PCDHGA3: variants seen among roughly 807,000 people sequenced by gnomAD.
PCDHGA3 encodes protocadherin gamma-A3.
A neutral mutation model predicts 58.5 loss-of-function variants in PCDHGA3; 40 were observed. That is an observed-to-expected ratio of 0.68 (90% CI 0.53 to 0.89). PCDHGA3 has a LOEUF of 0.89. Among genes scored for constraint, PCDHGA3 ranks in the 40% least tolerant of loss-of-function variants. The probability of loss-of-function intolerance (pLI) is 0.00; values close to 1 mark genes in which losing one functional copy is unlikely to be tolerated. For synonymous variants in PCDHGA3, 530 were observed against 525.7 expected, an observed-to-expected ratio of 1.01 and a Z score of -0.11; for missense variants, 1,223 against 1,195.9, an observed-to-expected ratio of 1.02 and a Z score of -0.33.
At chr5:141,390,349 T>C in intron 1 of PCDHGA3, 1 of 1,568,926 alleles carries the variant, frequency 6.4e-7, no homozygotes, top group South Asian at 1.2e-5. Flanking sequence ...CAAGAAAATA[T>C]ACATATTTGC....
At chr5:141,380,678 T>C (rs1387633000) in intron 1 of PCDHGA3, among the ~76,000 whole-genome samples, 3 of 152,250 alleles carry the variant, frequency 2.0e-5, no homozygotes, top group Non-Finnish European at 4.4e-5. Flanking sequence ...AGGGTATGTA[T>C]GCTTTGTGTT....
At chr5:141,380,282 T>C (rs1263967352) in intron 1 of PCDHGA3, among the ~76,000 whole-genome samples, 3 of 152,306 alleles carry the variant, frequency 2.0e-5, no homozygotes, top group Admixed American at 6.5e-5. Flanking sequence ...AGGAGAAACA[T>C]TGGAAGATAC....
At chr5:141,421,211 T>A (rs866635411) in intron 1 of PCDHGA3, 8 of 1,541,100 alleles carry the variant, frequency 5.2e-6, no homozygotes. Flanking sequence ...CCGCGGAATA[T>A]CGGCTTAGAG....
intron 1 of PCDHGA3, chr5:141,390,317 C>T: frequency 1.2e-6 from 2 of 1,610,390 alleles, no homozygotes; most frequent in Non-Finnish European, 1.7e-6. Context: ...ATGCTCATTG[C>T]CTACCCATTT....
chr5:141,420,980 C>T (rs1463868271), intron 1 of PCDHGA3: 1 of 484,260 alleles, frequency 2.1e-6, no homozygotes, highest in Non-Finnish European at 3.6e-6. Flanking sequence ...AGAATGGGCT[C>T]TAGGCGCCGC....
intron 1 of PCDHGA3, chr5:141,430,875 T>C: frequency 6.3e-7 from 1 of 1,599,398 alleles, no homozygotes; most frequent in Non-Finnish European, 8.5e-7. Context: ...CCGGAAGAGC[T>C]GGAGAAAGGC....
intron 1 of PCDHGA3, chr5:141,350,503 G>A: frequency 6.2e-7 from 1 of 1,614,074 alleles, no homozygotes; most frequent in Non-Finnish European, 8.5e-7. Flanking sequence ...GCGGGGATTT[G>A]TTAGTGAACG....
intron 1 of PCDHGA3, chr5:141,370,473 C>A: frequency 6.2e-7 from 1 of 1,613,496 alleles, no homozygotes; most frequent in Non-Finnish European, 8.5e-7. Flanking sequence ...TTTGTTAGAC[C>A]AGGCTCTCTC....
intron 1 of PCDHGA3, among the ~76,000 whole-genome samples, chr5:141,459,035 A>T (rs1404092581): frequency 6.6e-6 from 1 of 152,218 alleles, no homozygotes; most frequent in Non-Finnish European, 1.5e-5. Context: ...ATCCAGCCTT[A>T]CCAGCTATAT....
intron 1 of PCDHGA3, chr5:141,376,543 T>C: frequency 1.2e-6 from 2 of 1,613,014 alleles, no homozygotes. Flanking sequence ...AAGAGTAATC[T>C]GATCTTCCCG....
At chr5:141,362,586 T>C in intron 1 of PCDHGA3, 2 of 1,595,214 alleles carry the variant, frequency 1.3e-6, no homozygotes, top group Non-Finnish European at 1.7e-6. Context: ...TTTTCACTTC[T>C]GGTTTTATTG....
In PCDHGA3 at chr5:141,352,205, C is replaced by T. The variant is rs745707579; in HGVS notation, c.2424+5748C>T. On this transcript the variant is annotated intron_variant, in intron 1 of 3. Coordinates refer to ENST00000253812, the MANE Select transcript of PCDHGA3 (RefSeq NM_018916.4). ...CGCTGTGCGTGATGGAGGACAGCCG[C>T]CACTCTCCGCCACCGCCACGCTGCA... The T allele has an allele frequency of 1.9e-6, 3 of 1,614,044 alleles. No homozygotes were observed. The South Asian group carries it at 3.3e-5, about 18-fold the overall frequency.
rs751692866 is a variant in PCDHGA3 at position 141,356,729 on chromosome 5, A to G, written c.2424+10272A>G. The stretch of plus-strand genomic sequence containing the variant: ...TCCTCCTATGTCTCCATCAACTCCA[A>G]TACAGGGATCCTATATGCTCTTTGC... On this transcript the variant is annotated intron_variant, in intron 1 of 3. Transcript: ENST00000253812. 14 of 1,613,954 alleles carry G rather than the reference A, an allele frequency of 8.7e-6. No individual in the cohort carries two copies. Among genetic ancestry groups the G allele is most frequent in the Non-Finnish European group, 1.0e-5 (12 of 1,179,864 alleles).
intron 1 of PCDHGA3, among the ~76,000 whole-genome samples, chr5:141,472,863 G>A (rs2099301197): frequency 6.7e-6 from 1 of 149,994 alleles, no homozygotes. Context: ...GCACATGCCT[G>A]TATTCCCAGC....
intron 1 of PCDHGA3, chr5:141,423,505 C>G: frequency 6.2e-7 from 1 of 1,613,932 alleles, no homozygotes; most frequent in Non-Finnish European, 8.5e-7. Context: ...CGAGGTCTCT[C>G]TCATTGCGGA....
At chr5:141,414,812 T>C (rs1389980970) in intron 1 of PCDHGA3, 1 of 1,614,172 alleles carries the variant, frequency 6.2e-7, no homozygotes, top group South Asian at 1.1e-5. Flanking sequence ...GATCCTCCAC[T>C]CAGCAGCAAC....
In PCDHGA3 at chr5:141,431,819, A is replaced by C. The variant is rs2097420237; in HGVS notation, c.2425-62988A>C. On this transcript the variant is annotated intron_variant, in intron 1 of 3. Transcript: ENST00000253812. The surrounding 1 kb of genome is among the most constrained non-coding windows in gnomAD (Gnocchi z 4.8). ...AGAAGTGGTCCTCACCTCTCTCGCC[A>C]GCTCGGTTCCCGAAAACTCTCCCAG... 6.2e-7 allele frequency: 1 copy of C among 1,614,154 alleles called. No individual in the cohort carries two copies. Among genetic ancestry groups the C allele is most frequent in the Admixed American group, 1.7e-5 (1 of 60,018 alleles).
chr5:141,507,559 G>T (rs542787142), intron 3 of PCDHGA3, among the ~76,000 whole-genome samples: 1 of 152,368 alleles, frequency 6.6e-6, no homozygotes, highest in African/African-American at 2.4e-5. Flanking sequence ...GTGGCAGGCG[G>T]CTGGGTCTGA....
At position 141,431,108 on chromosome 5, in the gene PCDHGA3, T is replaced by C; in HGVS notation, c.2425-63699T>C. 1 of 1,614,180 alleles carries C rather than the reference T, an allele frequency of 6.2e-7. No homozygotes were observed. The highest frequency in any genetic ancestry group is 8.5e-7 in the Non-Finnish European group (1 of 1,180,032). On this transcript the variant is annotated intron_variant, in intron 1 of 3. Coordinates refer to ENST00000253812, the MANE Select transcript of PCDHGA3 (RefSeq NM_018916.4). This position sits in a 1 kb window ranked among gnomAD's most constrained non-coding sequence, Gnocchi z 4.8. ...TCTGATGGAGGATAAAGTGAAAATATATGGAGTAGAAGTAGAAGTAAGGGA... is the reference window on the plus strand; with the variant it reads ...TCTGATGGAGGATAAAGTGAAAATACATGGAGTAGAAGTAGAAGTAAGGGA...
Sources: gnomAD v4.1 joint callset for allele counts (sites outside exome capture counted in the v4.1 genomes callset) on GRCh38, gnomAD v4.1.1 for gene constraint, Gnocchi (gnomAD v3.1) non-coding constraint, MANE v1.5 for transcripts, NCBI Gene and HGNC (gene_info 2026-07-23, HGNC 2026-07-21) for gene names.